Variants in ARHGAP10 observed in about 807,000 individuals in gnomAD.
ARHGAP10 encodes Rho GTPase activating protein 10, also known as rho GTPase-activating protein 10.
Under a neutral mutation model 108.6 loss-of-function variants are expected in ARHGAP10, and 87 were observed. The observed-to-expected ratio is 0.80, with a 90% CI of 0.67 to 0.96. ARHGAP10 has a LOEUF of 0.96. ARHGAP10 is among the 40% of genes least tolerant of loss of function. The pLI is 0.00. For missense variants in ARHGAP10, 939 were observed against 954.5 expected (o/e 0.98, Z 0.21); for synonymous variants, 347 against 341.1 (o/e 1.02, Z -0.19).
intron 18 of ARHGAP10, among the ~76,000 whole-genome samples, chr4:147,967,299 A>G (rs949586884): frequency 6.6e-6 from 1 of 152,218 alleles, no homozygotes; most frequent in Non-Finnish European, 1.5e-5. Flanking sequence ...GTAGGGGTTG[A>G]GGGGCAGTGA....
rs146827185 is a variant in ARHGAP10 at position 147,879,280 on chromosome 4, G to A, written c.881G>A (p.Arg294Gln). ...TGGGTCAAACACTATTGCATGTATC[G>A]AAAAGCAGCAAAGAAGTTCAACATG... ...SSWVKHYCMY[R>Q]KAAKKFNMIP... The change falls in exon 9 of 23, where the codon CGA becomes CAA. Residue 294 changes from arginine to glutamine, a missense_variant. Arg to Gln is a conservative substitution (Grantham distance 43). Coordinates refer to ENST00000336498, the MANE Select transcript of ARHGAP10 (RefSeq NM_024605.4). The A allele has an allele frequency of 6.3e-5, 101 of 1,613,924 alleles. No individual in the cohort carries two copies. The highest frequency in any genetic ancestry group is 2.2e-4 in the South Asian group (20 of 91,084).
chr4:147,865,289 A>G (rs1333972503), intron 6 of ARHGAP10: 6 of 194,810 alleles, frequency 3.1e-5, no homozygotes, highest in Admixed American at 5.8e-5. Flanking sequence ...ATGAGTGAAC[A>G]TGGGTTGTTT....
chr4:147,989,268 G>A (rs1350841857), intron 18 of ARHGAP10, among the ~76,000 whole-genome samples: 2 of 151,798 alleles, frequency 1.3e-5, no homozygotes, highest in African/African-American at 2.4e-5. Flanking sequence ...GCAAGTGGAG[G>A]CAGGGCGAGA....
chr4:148,014,123 C>T (rs183919003), intron 18 of ARHGAP10, among the ~76,000 whole-genome samples: 1 of 152,262 alleles, frequency 6.6e-6, no homozygotes, highest in African/African-American at 2.4e-5. Context: ...ATGGACTATA[C>T]CTTATAGTTG....
chr4:147,785,623 A>T (rs1345967034), intron 1 of ARHGAP10, among the ~76,000 whole-genome samples: 1 of 152,076 alleles, frequency 6.6e-6, no homozygotes, highest in African/African-American at 2.4e-5. Flanking sequence ...CCCCTACAAC[A>T]TTATCATGTC....
At chr4:148,011,558 T>C (rs754531885) in intron 18 of ARHGAP10, among the ~76,000 whole-genome samples, 5 of 152,214 alleles carry the variant, frequency 3.3e-5, no homozygotes, top group Admixed American at 2.0e-4. Flanking sequence ...GTAGGGCCTT[T>C]CATGATTGAG....
intron 18 of ARHGAP10, among the ~76,000 whole-genome samples, chr4:147,982,819 C>T (rs1486373515): frequency 1.3e-5 from 2 of 151,952 alleles, no homozygotes; most frequent in Non-Finnish European, 2.9e-5. Context: ...TCAGGAATGC[C>T]AATAAGGTAT....
chr4:148,019,370 TAAAC>T (rs1741476721), intron 18 of ARHGAP10, among the ~76,000 whole-genome samples: 1 of 152,230 alleles, frequency 6.6e-6, no homozygotes, highest in Non-Finnish European at 1.5e-5. Flanking sequence ...GAACACTTTA[TAAAC>T]ATTATGTCAC....
At chr4:148,063,426 T>A in intron 21 of ARHGAP10, 126 bp downstream of exon 21, 2 of 1,293,104 alleles carry the variant, frequency 1.5e-6, no homozygotes, top group Non-Finnish European at 2.1e-6. Flanking sequence ...ATCCTGGACT[T>A]CATGGACAGC....
intron 18 of ARHGAP10, among the ~76,000 whole-genome samples, chr4:148,019,074 T>C (rs1330275991): frequency 6.6e-6 from 1 of 152,172 alleles, no homozygotes; most frequent in African/African-American, 2.4e-5. Context: ...CAGGAAACAG[T>C]TGTTTGATTC....
intron 1 of ARHGAP10, among the ~76,000 whole-genome samples, chr4:147,771,432 A>G (rs531808698): frequency 6.6e-6 from 1 of 152,198 alleles, no homozygotes; most frequent in African/African-American, 2.4e-5. Context: ...TAGGGTATCT[A>G]TCACCTGAGG....
intron 13 of ARHGAP10, among the ~76,000 whole-genome samples, chr4:147,923,977 TTCTC>T (rs761717822): frequency 6.6e-6 from 1 of 152,230 alleles, no homozygotes; most frequent in Non-Finnish European, 1.5e-5. Flanking sequence ...AAACTAGAGT[TTCTC>T]TCTGTCTCTG....
intron 18 of ARHGAP10, among the ~76,000 whole-genome samples, chr4:148,003,902 A>C (rs1740838005): frequency 6.6e-6 from 1 of 152,214 alleles, no homozygotes; most frequent in African/African-American, 2.4e-5. Flanking sequence ...GTGTAAGCCT[A>C]AATCAGCAAG....
At chr4:148,006,633 A>G (rs1358078979) in intron 18 of ARHGAP10, among the ~76,000 whole-genome samples, 1 of 152,212 alleles carries the variant, frequency 6.6e-6, no homozygotes, top group East Asian at 1.9e-4. Context: ...CTGTTGACTT[A>G]CTTCCTATTG....
At chr4:147,768,423 G>C (rs543344986) in intron 1 of ARHGAP10, among the ~76,000 whole-genome samples, 5 of 151,754 alleles carry the variant, frequency 3.3e-5, no homozygotes, top group African/African-American at 7.3e-5. Context: ...TAAAGATTCC[G>C]CTGTTAACAT....
At chr4:147,739,143 C>T (rs553266673) in intron 1 of ARHGAP10, among the ~76,000 whole-genome samples, 8 of 148,112 alleles carry the variant, frequency 5.4e-5, no homozygotes, top group Non-Finnish European at 8.9e-5. Flanking sequence ...GCTGAGATCA[C>T]GCCATTGCAC....
At chr4:147,907,936 G>C (rs1041532263) in intron 11 of ARHGAP10, among the ~76,000 whole-genome samples, 1 of 152,092 alleles carries the variant, frequency 6.6e-6, no homozygotes, top group African/African-American at 2.4e-5. Context: ...TCTGCCTCCT[G>C]GGTTTAAGTG....
intron 18 of ARHGAP10, among the ~76,000 whole-genome samples, chr4:147,968,919 C>T (rs10519927): frequency 0.048 from 7,366 of 152,238 alleles, 578 homozygotes; most frequent in African/African-American, 0.17. Flanking sequence ...TTTTGGGACT[C>T]GGATCCTATA....
chr4:147,837,301 C>T (rs918526817), intron 3 of ARHGAP10, among the ~76,000 whole-genome samples: 3 of 152,210 alleles, frequency 2.0e-5, no homozygotes, highest in Non-Finnish European at 2.9e-5. Context: ...GAAAAGAATA[C>T]GAAAGCATTT....
Sources: allele counts gnomAD v4.1 joint callset (sites outside exome capture counted in the v4.1 genomes callset), GRCh38; gene constraint gnomAD v4.1.1; transcripts MANE v1.5; gene names NCBI Gene and HGNC (gene_info 2026-07-23, HGNC 2026-07-21).